The following ZBTB20 variants were observed in gnomAD, a reference collection of about 807,000 sequenced individuals.
ZBTB20 encodes the protein zinc finger and BTB domain-containing protein 20.
ZBTB20 carries 9 observed loss-of-function variants against 56.9 expected under a neutral mutation model. The ratio of observed to expected loss-of-function variants is 0.16; its 90% CI spans 0.10 to 0.28. The LOEUF is 0.28. Ranked by LOEUF, ZBTB20 falls within the 10% of genes least tolerant of loss-of-function variation. The pLI, the probability that ZBTB20 is intolerant of heterozygous loss-of-function variation, is 1.00. For missense variants in ZBTB20, 655 were observed against 1,003.0 expected, an observed-to-expected ratio of 0.65 and a Z score of 4.69; for synonymous variants, 417 against 420.7, an observed-to-expected ratio of 0.99 and a Z score of 0.11.
intron 5 of ZBTB20, among the ~76,000 whole-genome samples, chr3:114,736,545 C>T (rs1454841418): frequency 6.6e-6 from 1 of 152,076 alleles, no homozygotes; most frequent in Non-Finnish European, 1.5e-5. Flanking sequence ...ATTTGGTTTT[C>T]TGTCACTGCT....
intron 3 of ZBTB20, among the ~76,000 whole-genome samples, chr3:114,937,304 G>A (rs1236352941): frequency 6.6e-6 from 1 of 152,064 alleles, no homozygotes; most frequent in Non-Finnish European, 1.5e-5. Context: ...TTTAATGGTC[G>A]CCATTCTAAC....
At chr3:114,558,554 C>T (rs769848722) in intron 6 of ZBTB20, among the ~76,000 whole-genome samples, 1 of 152,070 alleles carries the variant, frequency 6.6e-6, no homozygotes, top group Non-Finnish European at 1.5e-5. Context: ...TCAAATTCTC[C>T]ACGAGGCAAT....
chr3:114,752,031 T>C (rs1342846036), intron 5 of ZBTB20, among the ~76,000 whole-genome samples: 7 of 152,084 alleles, frequency 4.6e-5, no homozygotes, highest in Non-Finnish European at 8.8e-5. Flanking sequence ...CAATAAATAA[T>C]AGATAGCATT....
rs1032546973 is a variant in ZBTB20, at chr3:114,618,601, A to T, written c.-295+74927T>A. Among the ~76,000 whole-genome samples the T allele has an allele frequency of 2.0e-5, 3 of 152,208 alleles. 1 individual carries two copies. Among genetic ancestry groups the T allele is most frequent in the Non-Finnish European group, 4.4e-5 (3 of 68,004 alleles). On this transcript the variant is annotated intron_variant, in intron 6 of 11. Coordinates refer to ENST00000675478, the MANE Select transcript of ZBTB20 (RefSeq NM_001348800.3). ...TAAAAAATACATGGGTGAATGAATGAATTAATGTTAAATCCATCTTTAATG... is the reference window on the plus strand; with the variant it reads ...TAAAAAATACATGGGTGAATGAATGTATTAATGTTAAATCCATCTTTAATG...
At chr3:114,860,109 C>T (rs950735251) in intron 4 of ZBTB20, among the ~76,000 whole-genome samples, 3 of 152,214 alleles carry the variant, frequency 2.0e-5, no homozygotes, top group South Asian at 2.1e-4. Context: ...GAGATCAAGA[C>T]CATCCTGGCC....
At chr3:114,606,633 G>A (rs1041030628) in intron 6 of ZBTB20, among the ~76,000 whole-genome samples, 6 of 152,076 alleles carry the variant, frequency 3.9e-5, no homozygotes, top group African/African-American at 1.2e-4. Context: ...GGGCTGACAA[G>A]GGAGATTAGG....
intron 4 of ZBTB20, among the ~76,000 whole-genome samples, chr3:114,870,688 C>G (rs2075971082): frequency 6.6e-6 from 1 of 151,798 alleles, no homozygotes; most frequent in Admixed American, 6.6e-5. Context: ...ATTAAAAAGT[C>G]AAATTTCATT....
At chr3:115,054,345 CT>C (rs1398311608) in intron 2 of ZBTB20, among the ~76,000 whole-genome samples, 7 of 152,066 alleles carry the variant, frequency 4.6e-5, no homozygotes, top group Non-Finnish European at 1.0e-4. Context: ...ATTCTTTAAA[CT>C]TTTTTAATTT....
chr3:114,347,521 G>C (rs1415778181), intron 11 of ZBTB20, among the ~76,000 whole-genome samples: 1 of 151,710 alleles, frequency 6.6e-6, no homozygotes, highest in African/African-American at 2.4e-5. Context: ...CTCTTGGAAA[G>C]TTTTGAGGCT....
chr3:115,105,451 C>T (rs2083693397), intron 1 of ZBTB20, among the ~76,000 whole-genome samples: 2 of 152,178 alleles, frequency 1.3e-5, no homozygotes, highest in Middle Eastern at 3.4e-3. Context: ...ACTGTTTTAC[C>T]CAATACCTAA....
intron 4 of ZBTB20, among the ~76,000 whole-genome samples, chr3:114,815,148 C>T (rs2108894370): frequency 6.6e-6 from 1 of 152,292 alleles, no homozygotes; most frequent in East Asian, 1.9e-4. Flanking sequence ...AGTTCGGAGA[C>T]ATGGATTATT....
chr3:114,339,512 A>T lies in ZBTB20; in HGVS notation c.1805-86T>A. 1 of 1,387,766 alleles carries T rather than the reference A, an allele frequency of 7.2e-7. No homozygotes were observed. The highest frequency in any genetic ancestry group is 9.6e-7 in the Non-Finnish European group (1 of 1,037,906). 86.0% of individuals were successfully genotyped at this position (1,387,766 alleles called of 1,614,324 possible). On this transcript the variant is annotated intron_variant, in intron 11 of 11. Coordinates refer to ENST00000675478, the MANE Select transcript of ZBTB20 (RefSeq NM_001348800.3). The surrounding 1 kb of genome is among the most constrained non-coding windows in gnomAD (Gnocchi z 4.2). ...TGAAGGACAGGAAAAACAAGACAAC[A>T]AAAAAGAAAAATAAAACAATTAAAA...
At chr3:114,440,100 T>A (rs1160918806) in intron 7 of ZBTB20, among the ~76,000 whole-genome samples, 2 of 152,086 alleles carry the variant, frequency 1.3e-5, no homozygotes, top group Non-Finnish European at 2.9e-5. Context: ...CTTACTTTTT[T>A]TTTTTTAAAA....
chr3:114,691,211 T>A (rs1461990189), intron 6 of ZBTB20, among the ~76,000 whole-genome samples: 1 of 152,140 alleles, frequency 6.6e-6, no homozygotes, highest in Non-Finnish European at 1.5e-5. Context: ...TACTACTATA[T>A]ACAATAATAA....
At chr3:114,498,023 T>C (rs2043486611) in intron 7 of ZBTB20, among the ~76,000 whole-genome samples, 1 of 152,164 alleles carries the variant, frequency 6.6e-6, no homozygotes, top group Non-Finnish European at 1.5e-5. Context: ...GGAAGGTCTT[T>C]TTAACAGAGA....
At chr3:115,013,317 C>T (rs2079801908) in intron 2 of ZBTB20, among the ~76,000 whole-genome samples, 1 of 150,610 alleles carries the variant, frequency 6.6e-6, no homozygotes, top group Admixed American at 6.6e-5. Context: ...ACTTTTAGAC[C>T]CAAATAAGTA....
intron 6 of ZBTB20, among the ~76,000 whole-genome samples, chr3:114,607,188 A>G (rs1002756940): frequency 2.3e-4 from 35 of 152,286 alleles, no homozygotes; most frequent in African/African-American, 8.4e-4. Context: ...ATGAGGTTAT[A>G]ATTCACAATA....
At chr3:114,659,014 A>G (rs1253460842) in intron 6 of ZBTB20, among the ~76,000 whole-genome samples, 1 of 152,246 alleles carries the variant, frequency 6.6e-6, no homozygotes, top group African/African-American at 2.4e-5. Flanking sequence ...CCCATCTCAC[A>G]GTCATAATCT....
chr3:114,798,388 C>A (rs1425825921), intron 5 of ZBTB20, among the ~76,000 whole-genome samples: 2 of 151,426 alleles, frequency 1.3e-5, no homozygotes, highest in Non-Finnish European at 3.0e-5. Flanking sequence ...TGATAACAAC[C>A]AATGTTTTCA....
Sources: allele counts gnomAD v4.1 joint callset (sites outside exome capture counted in the v4.1 genomes callset), GRCh38; gene constraint gnomAD v4.1.1; non-coding constraint Gnocchi (gnomAD v3.1); transcripts MANE v1.5; gene names NCBI Gene and HGNC (gene_info 2026-07-23, HGNC 2026-07-21).